Variants in SINHCAF observed in about 807,000 individuals in gnomAD.
SINHCAF encodes SIN3-HDAC complex associated factor.
Under a neutral mutation model 25.8 loss-of-function variants are expected in SINHCAF, and 3 were observed. The ratio of observed to expected loss-of-function variants is 0.12; its 90% confidence interval spans 0.05 to 0.30. The LOEUF is 0.30. Ranked by LOEUF, SINHCAF falls within the 10% of genes least tolerant of loss-of-function variation. SINHCAF has a pLI of 1.00. For synonymous variants in SINHCAF, 70 were observed against 85.5 expected (o/e 0.82, Z 1.00); for missense variants, 121 against 262.3 (o/e 0.46, Z 3.72).
In SINHCAF at chr12:31,325,347, T is replaced by C; in HGVS notation, c.-21+677A>G. The C allele has an allele frequency of 2.4e-6, 1 of 417,048 alleles. No homozygotes were observed. The highest frequency in any genetic ancestry group is 1.7e-5 in the South Asian group (1 of 58,702). The allele number at this position is 417,048 out of a possible 1,614,324, so 25.8% of individuals were successfully genotyped here. A position where few individuals can be genotyped will look rare whatever the true frequency, so the allele number is the denominator to read the frequency against. On this transcript the variant is annotated intron_variant, in intron 1 of 5. Coordinates refer to ENST00000337682, the MANE Select transcript of SINHCAF (RefSeq NM_001135812.2). This position sits in a 1 kb window ranked among gnomAD's most constrained non-coding sequence, Gnocchi z 5.9. ...AAGCGACCGCGTGTTGCTCTCATTG[T>C]CGCATCCGCATCCCTCCGGAGTTGA...
intron 1 of SINHCAF, chr12:31,311,965 T>C: frequency 1.5e-6 from 1 of 678,766 alleles, no homozygotes; most frequent in South Asian, 1.3e-5. Flanking sequence ...GTGCCCCTGA[T>C]ACTTTGTTTA....
intron 1 of SINHCAF, chr12:31,323,978 G>C: frequency 2.2e-6 from 1 of 455,966 alleles, no homozygotes; most frequent in South Asian, 1.5e-5. Flanking sequence ...CGGGCACTCC[G>C]GTGACTGCCG....
intron 1 of SINHCAF, among the ~76,000 whole-genome samples, chr12:31,316,951 A>G (rs1189512636): frequency 1.3e-5 from 2 of 152,232 alleles, no homozygotes; most frequent in African/African-American, 2.4e-5. Context: ...TGAATTTAAC[A>G]TATGTTAAGT....
At position 31,322,513 on chromosome 12, in the gene SINHCAF, A is replaced by G. The variant is rs141424687; in HGVS notation, c.-21+3511T>C. Among the ~76,000 whole-genome samples, 405 of 152,274 alleles carry G rather than the reference A, an allele frequency of 2.7e-3. 1 individual carries two copies. The highest frequency in any genetic ancestry group is 9.1e-3 in the African/African-American group (380 of 41,550). On this transcript the variant is annotated intron_variant, in intron 1 of 5. Transcript: ENST00000337682. The stretch of plus-strand genomic sequence containing the variant: ...GTACTAATATAGGTTGCCTTTTGGT[A>G]TTGTAATTTGGTCAACCAAAACTTG...
chr12:31,308,596 G>A (rs749680741), intron 1 of SINHCAF, among the ~76,000 whole-genome samples: 1 of 152,190 alleles, frequency 6.6e-6, no homozygotes, highest in African/African-American at 2.4e-5. Flanking sequence ...AAGAAAGTGT[G>A]TCAGAGCAAA....
At chr12:31,289,150 A>G (rs1269440101) in intron 4 of SINHCAF, among the ~76,000 whole-genome samples, 2 of 152,234 alleles carry the variant, frequency 1.3e-5, no homozygotes, top group African/African-American at 2.4e-5. Flanking sequence ...TGAACAGAGC[A>G]GGAGAAACCT....
In SINHCAF at chr12:31,324,225, C is replaced by T. The variant is rs1480714299; in HGVS notation, c.-21+1799G>A. 4.9e-6 allele frequency: 1 copy of T among 204,130 alleles called. No homozygotes were observed. The highest frequency in any genetic ancestry group is 9.5e-6 in the Non-Finnish European group (1 of 105,290). 12.6% of individuals were successfully genotyped at this position (204,130 alleles called of 1,614,324 possible). ...CCGCGCCTCCCGCACGCCGCGCTGC[C>T]GGGGCTTGTTCCTCCTCATGGCTTT... On this transcript the variant is annotated intron_variant, in intron 1 of 5. Coordinates refer to ENST00000337682, the MANE Select transcript of SINHCAF (RefSeq NM_001135812.2). This position sits in a 1 kb window ranked among gnomAD's most constrained non-coding sequence, Gnocchi z 5.5.
intron 1 of SINHCAF, among the ~76,000 whole-genome samples, chr12:31,307,043 G>C (rs988155778): frequency 2.6e-5 from 4 of 152,112 alleles, no homozygotes; most frequent in Non-Finnish European, 5.9e-5. Context: ...TCTGTCCTTG[G>C]GGTAAAAAGT....
At position 31,323,323 on chromosome 12, in the gene SINHCAF, AT is replaced by A. The variant is rs775694078; in HGVS notation, c.-21+2700del. 1.7e-3 allele frequency among the ~76,000 whole-genome samples: 256 copies of A among 152,340 alleles called. 2 individuals are homozygous for A. The highest frequency in any genetic ancestry group is 0.01 in the Middle Eastern group (3 of 294). On this transcript the variant is annotated intron_variant, in intron 1 of 5. Transcript: ENST00000337682. ...AATGTGTTCAATTTTGCGACATAAA[AT>A]TTTAAAAGGCTTTTCAAGTCTGGCA...
intron 1 of SINHCAF, among the ~76,000 whole-genome samples, chr12:31,316,638 A>G (rs984544152): frequency 6.6e-6 from 1 of 152,194 alleles, no homozygotes; most frequent in Non-Finnish European, 1.5e-5. Flanking sequence ...AGGAAAGAAA[A>G]AGAGTTTCAC....
rs747121605 is a variant in SINHCAF at position 31,298,071 on chromosome 12, T to G, written c.128+6A>C. The G allele has an allele frequency of 6.2e-7, 1 of 1,613,510 alleles. No homozygotes were observed. Among genetic ancestry groups the G allele is most frequent in the Non-Finnish European group, 8.5e-7 (1 of 1,179,810 alleles). ...TAAGAATAGTACAAACATCAGGTGA[T>G]CTTACCCAAAACAGCTCTGGAAGTC... On this transcript the variant is annotated splice_donor_region_variant and intron_variant, in intron 2 of 5. Coordinates refer to ENST00000337682, the MANE Select transcript of SINHCAF (RefSeq NM_001135812.2).
At chr12:31,306,804 T>G (rs1195034280) in intron 1 of SINHCAF, among the ~76,000 whole-genome samples, 2 of 152,218 alleles carry the variant, frequency 1.3e-5, no homozygotes, top group Non-Finnish European at 2.9e-5. Flanking sequence ...TCCAAAGTCA[T>G]GAGCACCATC....
chr12:31,316,009 T>C (rs1391284850), intron 1 of SINHCAF, among the ~76,000 whole-genome samples: 1 of 151,898 alleles, frequency 6.6e-6, no homozygotes. Flanking sequence ...CTACTAAATA[T>C]AAAAAAATTT....
chr12:31,314,588 GTACT>G (rs1018870278), intron 1 of SINHCAF, among the ~76,000 whole-genome samples: 1 of 151,862 alleles, frequency 6.6e-6, no homozygotes, highest in Admixed American at 6.6e-5. Flanking sequence ...CCAAAGAGAG[GTACT>G]TCTGAAGATT....
intron 5 of SINHCAF, among the ~76,000 whole-genome samples, chr12:31,284,546 T>TA (rs1193696977): frequency 2.6e-5 from 4 of 152,152 alleles, no homozygotes; most frequent in Admixed American, 6.6e-5. Context: ...TACTCTGTCA[T>TA]AAAAAAATCC....
chr12:31,287,912 A>G lies in SINHCAF; in HGVS notation c.356-128T>C, dbSNP rs541853698. ...AAAAGTAAAAAATAATTCATTTTCT[A>G]TGCACTACTGATATTTGAAGATATT... On this transcript the variant is annotated intron_variant, in intron 4 of 5. Coordinates refer to ENST00000337682, the MANE Select transcript of SINHCAF (RefSeq NM_001135812.2). 42 of 577,546 alleles carry G rather than the reference A, an allele frequency of 7.3e-5. No individual in the cohort carries two copies. In the African/African-American group the frequency reaches 7.8e-4, roughly 11 times the overall value. 35.8% of individuals were successfully genotyped at this position (577,546 alleles called of 1,614,324 possible).
At chr12:31,311,706 T>C in intron 1 of SINHCAF, 1 of 499,096 alleles carries the variant, frequency 2.0e-6, no homozygotes, top group Non-Finnish European at 3.9e-6. Flanking sequence ...TTGAGAAAAA[T>C]GGTGAATTTT....
At chr12:31,311,632 G>T in intron 1 of SINHCAF, 1 of 375,242 alleles carries the variant, frequency 2.7e-6, no homozygotes, top group Non-Finnish European at 5.2e-6. Context: ...GGCTGCCAAG[G>T]TGGCTTTAAC....
intron 1 of SINHCAF, among the ~76,000 whole-genome samples, chr12:31,310,116 TG>T (rs977433159): frequency 1.2e-4 from 19 of 152,190 alleles, no homozygotes; most frequent in Admixed American, 1.3e-4. Context: ...CAGGTACTTC[TG>T]GGCATATCAG....
Sources: allele counts gnomAD v4.1 joint callset (sites outside exome capture counted in the v4.1 genomes callset), GRCh38; gene constraint gnomAD v4.1.1; non-coding constraint Gnocchi (gnomAD v3.1); transcripts MANE v1.5; gene names NCBI Gene and HGNC (gene_info 2026-07-23, HGNC 2026-07-21).